The following HSD17B2 variants were observed in gnomAD, a reference collection of about 807,000 sequenced individuals.
HSD17B2 encodes 17-beta-hydroxysteroid dehydrogenase type 2.
A neutral mutation model predicts 26.9 loss-of-function variants in HSD17B2; 32 were observed. That is an observed-to-expected ratio of 1.19 (90% CI 0.90 to 1.60). The LOEUF (loss-of-function observed/expected upper bound fraction) is 1.60. Ranked by LOEUF, HSD17B2 falls within the 40% of genes most tolerant of loss-of-function variation. HSD17B2 has a pLI of 0.00. For missense variants in HSD17B2, 613 were observed against 468.6 expected, an observed-to-expected ratio of 1.31 and a Z score of -2.85; for synonymous variants, 246 against 186.7, an observed-to-expected ratio of 1.32 and a Z score of -2.59.
At chr16:82,059,317 G>C (rs905733626) in intron 1 of HSD17B2, among the ~76,000 whole-genome samples, 1 of 152,220 alleles carries the variant, frequency 6.6e-6, no homozygotes, top group African/African-American at 2.4e-5. Flanking sequence ...AGTAGTCTGT[G>C]TTGTGACAAC....
At chr16:82,068,067 A>C (rs1213028046) in intron 1 of HSD17B2, 103 bp from the exon 2 acceptor site, 1 of 1,043,058 alleles carries the variant, frequency 9.6e-7, no homozygotes, top group Non-Finnish European at 1.4e-6. Flanking sequence ...CTCTCTTCAG[A>C]GAGCATGGAG....
intron 3 of HSD17B2, among the ~76,000 whole-genome samples, chr16:82,084,318 A>G (rs988420637): frequency 3.3e-5 from 5 of 152,072 alleles, no homozygotes; most frequent in African/African-American, 1.2e-4. Flanking sequence ...GACCCACTAG[A>G]TAATAGTAGC....
intron 1 of HSD17B2, among the ~76,000 whole-genome samples, chr16:82,041,316 T>G (rs1035082375): frequency 6.6e-6 from 1 of 152,234 alleles, no homozygotes; most frequent in Admixed American, 6.5e-5. Flanking sequence ...TGGTCGTTAG[T>G]TGGACACAAT....
At chr16:82,038,619 C>T (rs953408316) in intron 1 of HSD17B2, among the ~76,000 whole-genome samples, 1 of 152,158 alleles carries the variant, frequency 6.6e-6, no homozygotes, top group African/African-American at 2.4e-5. Flanking sequence ...ACATCTCAAC[C>T]ACAACATAGT....
chr16:82,037,381 G>C (rs1196058163), intron 1 of HSD17B2, among the ~76,000 whole-genome samples: 1 of 152,152 alleles, frequency 6.6e-6, no homozygotes, highest in Non-Finnish European at 1.5e-5. Flanking sequence ...CATTTTGTTA[G>C]ACCACAACTC....
chr16:82,036,526 T>A (rs906181940), intron 1 of HSD17B2, among the ~76,000 whole-genome samples: 6 of 151,914 alleles, frequency 3.9e-5, no homozygotes, highest in Admixed American at 2.0e-4. Flanking sequence ...GTGGAATCAT[T>A]TGGGGGAGAT....
At chr16:82,048,742 T>C (rs1050692958) in intron 1 of HSD17B2, among the ~76,000 whole-genome samples, 4 of 152,232 alleles carry the variant, frequency 2.6e-5, no homozygotes, top group Non-Finnish European at 4.4e-5. Context: ...TGTTATTGGT[T>C]AGAAAGGCAA....
At chr16:82,092,620 A>C (rs1454917241) in intron 4 of HSD17B2, 3 of 152,264 alleles carry the variant, frequency 2.0e-5, no homozygotes, top group Admixed American at 2.0e-4. Context: ...AGAGACCCAG[A>C]GAAAGGGATA....
chr16:82,051,233 G>A (rs748961280), intron 1 of HSD17B2, among the ~76,000 whole-genome samples: 1 of 152,112 alleles, frequency 6.6e-6, no homozygotes, highest in African/African-American at 2.4e-5. Flanking sequence ...CATTGCGTAC[G>A]GCTCCTGGTA....
At chr16:82,091,170 G>C (rs753861017) in intron 4 of HSD17B2, 131 bp downstream of exon 4, 21 of 949,508 alleles carry the variant, frequency 2.2e-5, no homozygotes, top group Middle Eastern at 2.1e-4. Context: ...ATCAGTTAAA[G>C]GGGTGAAAAC....
chr16:82,098,408 T>C lies in HSD17B2; in HGVS notation c.1136T>C (p.Met379Thr). 1.2e-6 allele frequency: 2 copies of C among 1,608,088 alleles called. No individual in the cohort carries two copies. The highest frequency in any genetic ancestry group is 1.7e-6 in the Non-Finnish European group (2 of 1,176,444). Residue 379 changes from methionine (M) to threonine (T), a missense_variant, in exon 5 of 5, where the codon ATG (methionine) becomes ACG (threonine). By Grantham distance (81) the Met-to-Thr change is moderately conservative. Coordinates refer to ENST00000199936, the MANE Select transcript of HSD17B2 (RefSeq NM_002153.3). ...AAGCCCATGCCCAGAGCTCTAAGAATGCCTAACTACAAGAAAAAGGCCACC... is the reference window on the plus strand; with the variant it reads ...AAGCCCATGCCCAGAGCTCTAAGAACGCCTAACTACAAGAAAAAGGCCACC... ...QDKPMPRALR[M>T]PNYKKKAT
chr16:82,036,049 G>A (rs1241176881), intron 1 of HSD17B2, among the ~76,000 whole-genome samples: 3 of 152,120 alleles, frequency 2.0e-5, no homozygotes, highest in African/African-American at 7.2e-5. Flanking sequence ...TGACATCATT[G>A]TTTGGCCAGG....
chr16:82,058,071 A>ATTT (rs72053726), intron 1 of HSD17B2, among the ~76,000 whole-genome samples: 2 of 141,370 alleles, frequency 1.4e-5, no homozygotes, highest in Admixed American at 7.1e-5. Context: ...GTTGTTGTTA[A>ATTT]TTTTTTTTTT....
chr16:82,065,313 C>T (rs757875567), intron 1 of HSD17B2, among the ~76,000 whole-genome samples: 2 of 152,182 alleles, frequency 1.3e-5, no homozygotes, highest in African/African-American at 2.4e-5. Context: ...TCTCTTAGCT[C>T]TCTAGAGAGC....
chr16:82,089,275 T>C (rs1251438324), intron 3 of HSD17B2, among the ~76,000 whole-genome samples: 1 of 152,232 alleles, frequency 6.6e-6, no homozygotes, highest in Non-Finnish European at 1.5e-5. Context: ...TTTTGAGACA[T>C]CCATATTGTT....
intron 3 of HSD17B2, chr16:82,071,966 G>T (rs3751860): frequency 0.43 from 65,432 of 152,120 alleles, 17,326 homozygotes; most frequent in Non-Finnish European, 0.58. Flanking sequence ...TTAAAATAAA[G>T]GGTATGACTA....
intron 3 of HSD17B2, among the ~76,000 whole-genome samples, chr16:82,080,272 C>T (rs1567590159): frequency 6.6e-6 from 1 of 152,204 alleles, no homozygotes; most frequent in Non-Finnish European, 1.5e-5. Context: ...CCTGTTACCT[C>T]ACGTGGCAAA....
At chr16:82,058,324 G>A (rs968009747) in intron 1 of HSD17B2, among the ~76,000 whole-genome samples, 11 of 152,044 alleles carry the variant, frequency 7.2e-5, no homozygotes, top group Non-Finnish European at 1.0e-4. Context: ...TCCTGCCTCA[G>A]CCTCCCAAAG....
intron 3 of HSD17B2, among the ~76,000 whole-genome samples, chr16:82,080,275 G>T (rs1018067481): frequency 6.6e-6 from 1 of 152,186 alleles, no homozygotes; most frequent in African/African-American, 2.4e-5. Context: ...GTTACCTCAC[G>T]TGGCAAATGG....
Sources: allele counts gnomAD v4.1 joint callset (sites outside exome capture counted in the v4.1 genomes callset), GRCh38; gene constraint gnomAD v4.1.1; transcripts MANE v1.5; gene names NCBI Gene and HGNC (gene_info 2026-07-23, HGNC 2026-07-21).